UBP1: variants seen among roughly 807,000 people sequenced by gnomAD.
The protein encoded by UBP1 is upstream binding protein 1.
A neutral mutation model predicts 76.1 loss-of-function variants in UBP1; 22 were observed. The ratio of observed to expected loss-of-function variants is 0.29; its 90% CI spans 0.21 to 0.41. The LOEUF is 0.41. UBP1 is among the 10% of genes least tolerant of loss of function. The probability of loss-of-function intolerance (pLI) is 1.00; values close to 1 mark genes in which losing one functional copy is unlikely to be tolerated. For synonymous variants in UBP1, 224 were observed against 237.1 expected (o/e 0.94, Z 0.51); for missense variants, 436 against 668.1 (o/e 0.65, Z 3.83).
rs555894013 is a variant in UBP1 at position 33,404,813 on chromosome 3, T to C, written c.928-1909A>G. Among the ~76,000 whole-genome samples, 3 of 152,294 alleles carry C rather than the reference T, an allele frequency of 2.0e-5. No individual in the cohort carries two copies. The South Asian group carries it at 6.2e-4, about 32-fold the overall frequency. The stretch of plus-strand genomic sequence containing the variant: ...TCACATAAAAATGTCCCTGGGATTT[T>C]TGACAGATGATTCAAAAGGACTTCC... On this transcript the variant is annotated intron_variant, in intron 8 of 15. Coordinates refer to ENST00000283629, the MANE Select transcript of UBP1 (RefSeq NM_014517.5).
chr3:33,439,642 A>G, intron 1 of UBP1, 94 bp downstream of exon 1: 1 of 1,379,646 alleles, frequency 7.2e-7, no homozygotes. Context: ...AGGCCCGCGC[A>G]CCTCTGGGAG....
At chr3:33,431,464 G>A (rs534062567) in intron 1 of UBP1, among the ~76,000 whole-genome samples, 2 of 152,270 alleles carry the variant, frequency 1.3e-5, no homozygotes, top group African/African-American at 4.8e-5. Context: ...TCCGCCGGGT[G>A]CAGTGGCTCA....
intron 8 of UBP1, among the ~76,000 whole-genome samples, chr3:33,406,109 T>G (rs2044413449): frequency 6.6e-6 from 1 of 152,208 alleles, no homozygotes; most frequent in Non-Finnish European, 1.5e-5. Flanking sequence ...TGCCCATTCT[T>G]TTAAAATTAG....
rs955392219 is a variant in UBP1 at position 33,400,619 on chromosome 3, T to C, written c.1087-337A>G. ...ACTTATATGTGGGAACTAAAAAAAT[T>C]TGAACACATGAAGGGAGAGAGTGGA... is the stretch of plus-strand genomic sequence containing the variant. On this transcript the variant is annotated intron_variant, in intron 10 of 15. Transcript: ENST00000283629. Among the ~76,000 whole-genome samples, 5 of 152,040 alleles carry C rather than the reference T, an allele frequency of 3.3e-5. No homozygotes were observed. In the East Asian group the frequency reaches 5.8e-4, roughly 18 times the overall value.
At chr3:33,420,843 G>A (rs2044871847) in intron 2 of UBP1, among the ~76,000 whole-genome samples, 1 of 152,126 alleles carries the variant, frequency 6.6e-6, no homozygotes, top group Non-Finnish European at 1.5e-5. Context: ...GGCTGTTATC[G>A]AACTCCCAAC....
intron 1 of UBP1, among the ~76,000 whole-genome samples, chr3:33,431,759 G>C (rs570376333): frequency 6.8e-6 from 1 of 147,850 alleles, no homozygotes. Context: ...AAAAAAAAAC[G>C]AAAAAAGACA....
chr3:33,392,819 G>A (rs2043822125), intron 14 of UBP1: 1 of 496,310 alleles, frequency 2.0e-6, no homozygotes, highest in South Asian at 3.6e-5. Context: ...TGGTCCCTGA[G>A]AGACCTGGTC....
intron 15 of UBP1, chr3:33,391,345 T>C (rs1017079873): frequency 6.6e-6 from 1 of 152,186 alleles, no homozygotes; most frequent in South Asian, 2.1e-4. Context: ...CTCAAATAAT[T>C]TTACATTTAG....
intron 13 of UBP1, among the ~76,000 whole-genome samples, chr3:33,395,106 T>C (rs951218230): frequency 3.9e-5 from 6 of 152,242 alleles, no homozygotes; most frequent in Non-Finnish European, 8.8e-5. Context: ...GTATAAGCTC[T>C]TGATGATACA....
At chr3:33,411,367 T>C (rs1361316604) in intron 5 of UBP1, among the ~76,000 whole-genome samples, 1 of 152,204 alleles carries the variant, frequency 6.6e-6, no homozygotes, top group African/African-American at 2.4e-5. Flanking sequence ...AAATAACATT[T>C]GAATAATGCT....
chr3:33,429,993 G>C (rs2045086134), intron 1 of UBP1, among the ~76,000 whole-genome samples: 1 of 152,144 alleles, frequency 6.6e-6, no homozygotes, highest in African/African-American at 2.4e-5. Context: ...AAAGAGACAT[G>C]AAAGAAACAA....
At chr3:33,433,728 A>C (rs942369612) in intron 1 of UBP1, among the ~76,000 whole-genome samples, 1 of 152,118 alleles carries the variant, frequency 6.6e-6, no homozygotes, top group Non-Finnish European at 1.5e-5. Context: ...AAACAAGCAA[A>C]GTAAATAATA....
intron 8 of UBP1, 78 bp downstream of exon 8, chr3:33,408,612 T>C (rs991629564): frequency 9.8e-5 from 119 of 1,209,258 alleles, no homozygotes; most frequent in Non-Finnish European, 1.2e-4. Context: ...TGGCTTTACT[T>C]TGCGGTGGAA....
At position 33,415,520 on chromosome 3, in the gene UBP1, A is replaced by G. The variant is rs532419346; in HGVS notation, c.342+1238T>C. 2.0e-5 allele frequency among the ~76,000 whole-genome samples: 3 copies of G among 152,344 alleles called. 1 individual carries two copies. The highest frequency in any genetic ancestry group is 7.2e-5 in the African/African-American group (3 of 41,574). On this transcript the variant is annotated intron_variant, in intron 3 of 15. Coordinates refer to ENST00000283629, the MANE Select transcript of UBP1 (RefSeq NM_014517.5). ...CTTATGAGAACTCATGATATATACC[A>G]GATATATTTATTATATACCACCATA...
Position 33,439,816 on chromosome 3 carries a change from G to A in UBP1, c.33C>T (p.Ile11=). MAWVLKMDEV[I]ESGLVHDFDA... ...CGAAGTCGTGCACCAGCCCGGACTC[G>A]ATCACCTCGTCCATCTTGAGCACCC... is the stretch of plus-strand genomic sequence containing the variant. The change falls in exon 1 of 16, where the codon ATC becomes ATT. Residue 11 remains isoleucine, a synonymous_variant. Coordinates refer to ENST00000283629, the MANE Select transcript of UBP1 (RefSeq NM_014517.5). 1.2e-6 allele frequency: 2 copies of A among 1,612,654 alleles called. No homozygotes were observed. The highest frequency in any genetic ancestry group is 1.7e-6 in the Non-Finnish European group (2 of 1,179,644).
At chr3:33,403,584 G>GTCTGTCTGTCTATCTATCTATCTA (rs60697427) in intron 8 of UBP1, 1 of 148,878 alleles carries the variant, frequency 6.7e-6, no homozygotes, top group African/African-American at 2.5e-5. Context: ...CTGTCTGTCT[G>GTCTGTCTGTCTATCTATCTATCTA]TCTATCTATC....
chr3:33,433,468 C>G (rs1483966682), intron 1 of UBP1, among the ~76,000 whole-genome samples: 1 of 148,990 alleles, frequency 6.7e-6, no homozygotes, highest in Non-Finnish European at 1.5e-5. Flanking sequence ...GCCTGACCAA[C>G]AAGGTGAAAC....
chr3:33,419,158 T>C (rs1033628807), intron 2 of UBP1, among the ~76,000 whole-genome samples: 6 of 152,158 alleles, frequency 3.9e-5, no homozygotes, highest in Admixed American at 6.5e-5. Context: ...AGAGTCACCA[T>C]TTCCTGACCT....
At chr3:33,393,551 A>C in intron 13 of UBP1, 97 bp from the exon 14 acceptor site, 3 of 1,166,342 alleles carry the variant, frequency 2.6e-6, no homozygotes, top group Non-Finnish European at 3.4e-6. Context: ...CACACCTTTC[A>C]AAGTACCAAA....
Sources: allele counts gnomAD v4.1 joint callset (sites outside exome capture counted in the v4.1 genomes callset), GRCh38; gene constraint gnomAD v4.1.1; transcripts MANE v1.5; gene names NCBI Gene and HGNC (gene_info 2026-07-23, HGNC 2026-07-21).